The following PLB1 variants were observed in gnomAD, a reference collection of about 807,000 sequenced individuals.
PLB1 encodes the protein phospholipase B1.
A neutral mutation model predicts 227.4 loss-of-function variants in PLB1; 242 were observed. That is an observed-to-expected ratio of 1.06 (90% CI 0.96 to 1.18). The LOEUF is 1.18. Among genes scored for constraint, PLB1 ranks in the 50% most tolerant of loss-of-function variants. The pLI, the probability that PLB1 is intolerant of heterozygous loss-of-function variation, is 0.00. For synonymous variants in PLB1, 757 were observed against 682.2 expected, an observed-to-expected ratio of 1.11 and a Z score of -1.71; for missense variants, 1,858 against 1,816.3, an observed-to-expected ratio of 1.02 and a Z score of -0.42.
intron 31 of PLB1, 126 bp from the exon 32 acceptor site, chr2:28,592,535 A>T: frequency 1.1e-6 from 1 of 934,358 alleles, no homozygotes; most frequent in Non-Finnish European, 1.8e-6. Context: ...CACTGTGCAC[A>T]CCCAGCCCTG....
At chr2:28,580,878 T>A (rs1199088769) in intron 23 of PLB1, among the ~76,000 whole-genome samples, 2 of 152,114 alleles carry the variant, frequency 1.3e-5, no homozygotes, top group Admixed American at 1.3e-4. Flanking sequence ...GTAGTGGCCT[T>A]GCTCTGGCCT....
rs143607959 is a variant in PLB1, at chr2:28,551,246, A to G, written c.1083+1162A>G. Among the ~76,000 whole-genome samples the G allele has an allele frequency of 4.6e-3, 701 of 152,350 alleles. 1 individual carries two copies. The highest frequency in any genetic ancestry group is 0.017 in the Middle Eastern group (5 of 294). On this transcript the variant is annotated intron_variant, in intron 16 of 57. Transcript: ENST00000327757. Reference sequence around the variant, plus strand: ...CTCGAAAGCCCTTGAGTGGGTCCACACTGGTAGGGGGCCCCTGACGGGCGC... The same window carrying G: ...CTCGAAAGCCCTTGAGTGGGTCCACGCTGGTAGGGGGCCCCTGACGGGCGC...
At position 28,601,950 on chromosome 2, in the gene PLB1, G is replaced by C; in HGVS notation, c.2659G>C (p.Val887Leu). ...FVHHLRNALD[V>L]LHREVPRVLV... is the part of the protein sequence containing the mutation. ...TCACCATCTCCGCAATGCCTTGGAC[G>C]TCCTGCATAGAGAGGTGGGTGGGGG... is the stretch of plus-strand genomic sequence containing the variant. The change falls in exon 38 of 58, where the codon GTC becomes CTC. Residue 887 changes from valine to leucine, a missense_variant. Transcript: ENST00000327757. 6.2e-7 allele frequency: 1 copy of C among 1,610,968 alleles called. No individual in the cohort carries two copies.
At chr2:28,566,576 G>A in intron 19 of PLB1, 1 of 536,178 alleles carries the variant, frequency 1.9e-6, no homozygotes, top group Admixed American at 3.2e-5. Context: ...ATCAGCCGCT[G>A]GTTTAAAGCT....
chr2:28,628,521 C>CGG, intron 51 of PLB1, 42 bp from the exon 52 acceptor site: 3 of 1,572,600 alleles, frequency 1.9e-6, no homozygotes, highest in Non-Finnish European at 2.6e-6. Context: ...TCTCTCAGAG[C>CGG]GGGCACCAGG....
intron 26 of PLB1, 33 bp downstream of exon 26, chr2:28,585,875 A>C (rs1392825613): frequency 1.3e-6 from 2 of 1,519,318 alleles, no homozygotes; most frequent in South Asian, 2.2e-5. Context: ...GACTTCCCAG[A>C]ACTGCTGTGT....
At chr2:28,591,644 C>T in intron 30 of PLB1, 56 bp from the exon 31 acceptor site, 1 of 1,561,236 alleles carries the variant, frequency 6.4e-7, no homozygotes, top group Non-Finnish European at 8.8e-7. Flanking sequence ...ATCTGATAGC[C>T]AGTTTTTCTG....
At chr2:28,523,096 T>A (rs1315139680) in intron 4 of PLB1, among the ~76,000 whole-genome samples, 1 of 152,198 alleles carries the variant, frequency 6.6e-6, no homozygotes, top group Non-Finnish European at 1.5e-5. Flanking sequence ...AAATCAGTTA[T>A]GTAAATGTTT....
In PLB1 at chr2:28,563,994, C is replaced by T. The variant is rs546621938; in HGVS notation, c.1206+895C>T. Among the ~76,000 whole-genome samples the T allele has an allele frequency of 4.2e-4, 64 of 152,160 alleles. 2 individuals carry two copies. In the South Asian group the frequency reaches 0.013, roughly 32 times the overall value. On this transcript the variant is annotated intron_variant, in intron 18 of 57. Coordinates refer to ENST00000327757, the MANE Select transcript of PLB1 (RefSeq NM_153021.5). ...GTGGCTCACATCTATAATCTCAGCA[C>T]TTTAGAAGGCCAGGGTGGGAGGATC...
intron 19 of PLB1, among the ~76,000 whole-genome samples, chr2:28,566,122 C>G (rs1676851180): frequency 6.6e-6 from 1 of 152,320 alleles, no homozygotes; most frequent in Admixed American, 6.5e-5. Flanking sequence ...TCTGGCATCT[C>G]TATCTGACAC....
intron 17 of PLB1, among the ~76,000 whole-genome samples, chr2:28,553,260 G>A (rs752564791): frequency 3.3e-5 from 5 of 152,158 alleles, no homozygotes; most frequent in South Asian, 4.1e-4. Context: ...AGTTGTCATC[G>A]TCCCTGCCTT....
intron 6 of PLB1, among the ~76,000 whole-genome samples, chr2:28,526,865 G>A: frequency 6.6e-6 from 1 of 152,158 alleles, no homozygotes; most frequent in Non-Finnish European, 1.5e-5. Flanking sequence ...TGCTGGCCCT[G>A]CCTTACAGAA....
At chr2:28,548,260 A>C (rs1673607558) in intron 14 of PLB1, among the ~76,000 whole-genome samples, 1 of 152,218 alleles carries the variant, frequency 6.6e-6, no homozygotes, top group South Asian at 2.1e-4. Context: ...GGTTGTGGAC[A>C]CAGGCTGCGG....
Position 28,510,625 on chromosome 2 carries a change from C to CTCT in PLB1, c.56-6182_56-6181insCTT, listed in dbSNP as rs1553397912. On this transcript the variant is annotated intron_variant, in intron 1 of 57. Transcript: ENST00000327757. Reference sequence around the variant, plus strand: ...TTTTTTCTTTTTTCTTTTTCTCTCTCTTTTTTTTTTTTTTTTGAGATGGAG... The same window carrying CTCT: ...TTTTTTCTTTTTTCTTTTTCTCTCTCTCTTTTTTTTTTTTTTTTTGAGATGGAG... 1.2e-4 allele frequency among the ~76,000 whole-genome samples: 14 copies of CTCT among 118,024 alleles called. No homozygotes were observed. In the East Asian group the frequency reaches 3.4e-3, roughly 29 times the overall value. 77.4% of individuals were successfully genotyped at this position (118,024 alleles called of 152,430 possible). A position where few individuals can be genotyped will look rare whatever the true frequency, so the allele number is the denominator to read the frequency against.
intron 50 of PLB1, 28 bp from the exon 51 acceptor site, chr2:28,626,400 C>G (rs1323616254): frequency 6.2e-7 from 1 of 1,606,198 alleles, no homozygotes; most frequent in African/African-American, 1.3e-5. Flanking sequence ...CCACCAAGGC[C>G]TAAACTCAGG....
intron 14 of PLB1, among the ~76,000 whole-genome samples, chr2:28,546,220 G>A (rs546129004): frequency 2.6e-5 from 4 of 152,292 alleles, no homozygotes; most frequent in African/African-American, 9.6e-5. Context: ...CCTTTCTGCT[G>A]CTGCCGCAAT....
chr2:28,628,635 G>GA lies in PLB1; in HGVS notation c.3726+8dup. 1 of 1,614,086 alleles carries GA rather than the reference G, an allele frequency of 6.2e-7. No homozygotes were observed. ...GGACATCCTCTCTGAGGAGGTAGGAGAGGGGTTACGTGTTCCTGGGTCCCG... is the reference window on the plus strand; with the variant it reads ...GGACATCCTCTCTGAGGAGGTAGGAGAAGGGGTTACGTGTTCCTGGGTCCCG... On this transcript the variant is annotated splice_region_variant and intron_variant, in intron 52 of 57. Coordinates refer to ENST00000327757, the MANE Select transcript of PLB1 (RefSeq NM_153021.5).
intron 20 of PLB1, among the ~76,000 whole-genome samples, chr2:28,567,116 A>G (rs1677083701): frequency 6.6e-6 from 1 of 152,186 alleles, no homozygotes; most frequent in African/African-American, 2.4e-5. Flanking sequence ...AAGAAAGTAA[A>G]GCGGGGAAAA....
intron 56 of PLB1, among the ~76,000 whole-genome samples, chr2:28,638,567 G>A (rs1305550938): frequency 6.6e-6 from 1 of 152,150 alleles, no homozygotes; most frequent in Non-Finnish European, 1.5e-5. Flanking sequence ...GGGGCTGAGA[G>A]TAGGGTCAGG....
Sources: gnomAD v4.1 joint callset for allele counts (sites outside exome capture counted in the v4.1 genomes callset) on GRCh38, gnomAD v4.1.1 for gene constraint, MANE v1.5 for transcripts, NCBI Gene and HGNC (gene_info 2026-07-23, HGNC 2026-07-21) for gene names.